Variants in PDE4D observed in about 807,000 individuals in gnomAD.
PDE4D encodes the protein 3',5'-cyclic-AMP phosphodiesterase 4D.
PDE4D carries 24 observed loss-of-function variants against 87.4 expected under a neutral mutation model. The ratio of observed to expected loss-of-function variants is 0.27; its 90% CI spans 0.20 to 0.39. PDE4D has a LOEUF of 0.39. Ranked by LOEUF, PDE4D falls within the 10% of genes least tolerant of loss-of-function variation. PDE4D has a pLI of 1.00. For missense variants in PDE4D, 714 were observed against 1,041.0 expected (o/e 0.69, Z 4.32); for synonymous variants, 384 against 383.2 (o/e 1.00, Z -0.02).
At chr5:59,960,177 A>G (rs1759309242) in intron 3 of PDE4D, among the ~76,000 whole-genome samples, 1 of 152,198 alleles carries the variant, frequency 6.6e-6, no homozygotes, top group South Asian at 2.1e-4. Context: ...AATGGCTACT[A>G]TATTGAAAAG....
chr5:59,899,578 T>G (rs973161806), intron 3 of PDE4D, among the ~76,000 whole-genome samples: 1 of 152,000 alleles, frequency 6.6e-6, no homozygotes, highest in Non-Finnish European at 1.5e-5. Context: ...AATAATAATA[T>G]CAGATACAGG....
intron 1 of PDE4D, among the ~76,000 whole-genome samples, chr5:59,478,654 C>T (rs1481356449): frequency 6.6e-6 from 1 of 152,038 alleles, no homozygotes; most frequent in African/African-American, 2.4e-5. Context: ...ACTAAATCTA[C>T]AGTTTTTGTG....
intron 1 of PDE4D, among the ~76,000 whole-genome samples, chr5:60,514,049 G>A (rs560939344): frequency 6.6e-6 from 1 of 151,824 alleles, no homozygotes; most frequent in Admixed American, 6.6e-5. Context: ...AAAGCCAACA[G>A]ATGGTTCTTT....
chr5:59,554,933 A>T (rs1818654105), intron 1 of PDE4D, among the ~76,000 whole-genome samples: 1 of 152,202 alleles, frequency 6.6e-6, no homozygotes, highest in Admixed American at 6.6e-5. Context: ...TATTGTGGAA[A>T]GCAGCTTGGT....
At chr5:60,064,163 C>A (rs1474408001) in intron 2 of PDE4D, among the ~76,000 whole-genome samples, 2 of 151,958 alleles carry the variant, frequency 1.3e-5, no homozygotes, top group South Asian at 2.1e-4. Flanking sequence ...AATAATAAAT[C>A]TATTTCCATT....
chr5:60,252,520 T>A (rs994265084), intron 1 of PDE4D, among the ~76,000 whole-genome samples: 7 of 151,570 alleles, frequency 4.6e-5, no homozygotes, highest in Non-Finnish European at 1.0e-4. Context: ...TTCAAATGCA[T>A]GATAAACTAG....
intron 1 of PDE4D, among the ~76,000 whole-genome samples, chr5:59,482,733 T>C (rs913262546): frequency 2.0e-5 from 3 of 152,168 alleles, no homozygotes; most frequent in African/African-American, 7.2e-5. Context: ...AATAATGGAC[T>C]CTAAATCTTC....
chr5:60,159,660 C>T (rs1020257711), intron 2 of PDE4D, among the ~76,000 whole-genome samples: 1 of 152,062 alleles, frequency 6.6e-6, no homozygotes, highest in African/African-American at 2.4e-5. Context: ...CCATCACTGA[C>T]CAAAATGTTA....
chr5:60,320,091 A>G (rs1310577268), intron 1 of PDE4D, among the ~76,000 whole-genome samples: 3 of 152,228 alleles, frequency 2.0e-5, no homozygotes, highest in Non-Finnish European at 2.9e-5. Flanking sequence ...TGTAGTCTAC[A>G]GAGGCAGGCA....
At chr5:59,143,491 A>C (rs1778200576) in intron 5 of PDE4D, among the ~76,000 whole-genome samples, 1 of 152,252 alleles carries the variant, frequency 6.6e-6, no homozygotes. Flanking sequence ...CTTACTGTGC[A>C]TGTCCTTGAG....
intron 1 of PDE4D, among the ~76,000 whole-genome samples, chr5:59,805,853 C>T (rs1298113561): frequency 6.6e-6 from 1 of 152,164 alleles, no homozygotes; most frequent in African/African-American, 2.4e-5. Context: ...TGTGAACAGT[C>T]CCCGAAATAA....
At position 59,615,125 on chromosome 5, in the gene PDE4D, T is replaced by G. The variant is rs1472419047; in HGVS notation, c.455+278043A>C. Among the ~76,000 whole-genome samples the G allele has an allele frequency of 6.6e-5, 10 of 152,268 alleles. No individual in the cohort carries two copies. The East Asian group carries it at 1.5e-3, about 24-fold the overall frequency. The stretch of plus-strand genomic sequence containing the variant: ...GATTACAGGCATGAGCCACCACGCC[T>G]GGCTGGGATATTTTTATGTTGAACA... On this transcript the variant is annotated intron_variant, in intron 1 of 14. Transcript: ENST00000340635.
intron 1 of PDE4D, among the ~76,000 whole-genome samples, chr5:59,597,459 A>G (rs1826860877): frequency 6.6e-6 from 1 of 151,902 alleles, no homozygotes. Flanking sequence ...ATTTTCTCGA[A>G]CCCCTTTTCA....
intron 1 of PDE4D, among the ~76,000 whole-genome samples, chr5:60,401,781 T>C (rs1741110916): frequency 6.6e-6 from 1 of 152,222 alleles, no homozygotes; most frequent in Non-Finnish European, 1.5e-5. Context: ...TTACAGAACA[T>C]TGAAATGGTT....
chr5:60,516,165 A>C (rs77632498), intron 1 of PDE4D, among the ~76,000 whole-genome samples: 3,168 of 152,336 alleles, frequency 0.021, 117 homozygotes, highest in African/African-American at 0.07. Context: ...ATTCATAATC[A>C]ATATATCAAT....
In PDE4D at chr5:58,973,157, G is replaced by A. The variant is rs1430606486; in HGVS notation, c.*1507C>T. The stretch of plus-strand genomic sequence containing the variant: ...AATAGGATTAGTTGTATTGGTGTTT[G>A]TTAATATATTGTTAATATTCTTAAA... On this transcript the variant is annotated 3_prime_UTR_variant, in exon 15 of 15. Coordinates refer to ENST00000340635, the MANE Select transcript of PDE4D (RefSeq NM_001104631.2). The A allele has an allele frequency of 6.6e-6, 1 of 152,138 alleles. No homozygotes were observed. Among genetic ancestry groups the A allele is most frequent in the Non-Finnish European group, 1.5e-5 (1 of 68,020 alleles). 9.4% of individuals were successfully genotyped at this position (152,138 alleles called of 1,614,324 possible).
chr5:59,311,806 A>G (rs1772710347), intron 1 of PDE4D, among the ~76,000 whole-genome samples: 2 of 152,256 alleles, frequency 1.3e-5, no homozygotes, highest in South Asian at 2.1e-4. Flanking sequence ...GAGGTCCCCT[A>G]TTTACAAACC....
chr5:60,140,639 T>C (rs1337443338), intron 2 of PDE4D, among the ~76,000 whole-genome samples: 1 of 150,310 alleles, frequency 6.7e-6, no homozygotes, highest in Non-Finnish European at 1.5e-5. Flanking sequence ...TTAGATGAAA[T>C]GTGTTTGCTA....
intron 1 of PDE4D, among the ~76,000 whole-genome samples, chr5:59,536,066 A>G (rs1815163740): frequency 6.6e-6 from 1 of 152,340 alleles, no homozygotes; most frequent in South Asian, 2.1e-4. Context: ...AGCAACAGGA[A>G]ATCTGGGCAG....
Sources: allele counts gnomAD v4.1 joint callset (sites outside exome capture counted in the v4.1 genomes callset), GRCh38; gene constraint gnomAD v4.1.1; transcripts MANE v1.5; gene names NCBI Gene and HGNC (gene_info 2026-07-23, HGNC 2026-07-21).